PTPRD: variants seen among roughly 807,000 people sequenced by gnomAD.
PTPRD encodes the protein protein tyrosine phosphatase receptor type D.
A neutral mutation model predicts 214.5 loss-of-function variants in PTPRD; 34 were observed. The ratio of observed to expected loss-of-function variants is 0.16; its 90% CI spans 0.12 to 0.21. The LOEUF (loss-of-function observed/expected upper bound fraction) is 0.21. Among genes scored for constraint, PTPRD ranks in the 10% least tolerant of loss-of-function variants. The pLI is 1.00. For synonymous variants in PTPRD, 1,128 were observed against 845.7 expected, an observed-to-expected ratio of 1.33 and a Z score of -5.79; for missense variants, 2,545 against 2,398.7, an observed-to-expected ratio of 1.06 and a Z score of -1.27.
intron 10 of PTPRD, among the ~76,000 whole-genome samples, chr9:9,144,572 T>C (rs958650831): frequency 1.3e-5 from 2 of 151,992 alleles, no homozygotes; most frequent in African/African-American, 4.8e-5. Context: ...GCTAACATGA[T>C]GAAACCCCGT....
chr9:8,524,739 G>A (rs771739516), intron 18 of PTPRD, 186 bp downstream of exon 18: 22 of 735,208 alleles, frequency 3.0e-5, no homozygotes, highest in Non-Finnish European at 5.5e-5. Context: ...ATACTCAAGA[G>A]TTGTCTTTTG....
At chr9:9,246,223 C>G (rs2099973010) in intron 9 of PTPRD, among the ~76,000 whole-genome samples, 1 of 151,988 alleles carries the variant, frequency 6.6e-6, no homozygotes, top group South Asian at 2.1e-4. Context: ...TGGGCTGGAT[C>G]CTGAATGTTT....
chr9:8,445,365 C>A (rs1014291397), intron 34 of PTPRD, among the ~76,000 whole-genome samples: 2 of 152,162 alleles, frequency 1.3e-5, no homozygotes, highest in African/African-American at 4.8e-5. Context: ...AAGACAGACA[C>A]TTACAATCAA....
At chr9:10,167,473 G>T (rs563589031) in intron 3 of PTPRD, among the ~76,000 whole-genome samples, 22 of 152,072 alleles carry the variant, frequency 1.4e-4, no homozygotes, top group Admixed American at 6.6e-5. Flanking sequence ...AAGTACAGGA[G>T]ATCCACAGTC....
intron 12 of PTPRD, among the ~76,000 whole-genome samples, chr9:8,729,288 C>T (rs10977265): frequency 0.07 from 10,633 of 152,164 alleles, 1,132 homozygotes; most frequent in African/African-American, 0.23. Context: ...AGATATGCTT[C>T]ATATTTCCCC....
chr9:10,140,906 C>T (rs1450117896), intron 3 of PTPRD, among the ~76,000 whole-genome samples: 1 of 151,914 alleles, frequency 6.6e-6, no homozygotes, highest in Non-Finnish European at 1.5e-5. Context: ...CCACCATGAT[C>T]AAGTGGGCTT....
At chr9:10,220,233 T>A (rs1389298600) in intron 3 of PTPRD, among the ~76,000 whole-genome samples, 2 of 151,910 alleles carry the variant, frequency 1.3e-5, no homozygotes, top group Non-Finnish European at 2.9e-5. Context: ...AATCTGTTTT[T>A]AAAATGATGA....
At chr9:8,612,261 G>A (rs1323386863) in intron 14 of PTPRD, among the ~76,000 whole-genome samples, 1 of 152,148 alleles carries the variant, frequency 6.6e-6, no homozygotes, top group Non-Finnish European at 1.5e-5. Context: ...GATTCATCCA[G>A]TAAGTATATT....
At chr9:9,839,114 C>G (rs2057635656) in intron 5 of PTPRD, among the ~76,000 whole-genome samples, 1 of 152,068 alleles carries the variant, frequency 6.6e-6, no homozygotes, top group African/African-American at 2.4e-5. Context: ...CTGTGCTGTT[C>G]CATTGATCTA....
intron 9 of PTPRD, among the ~76,000 whole-genome samples, chr9:9,353,616 T>A (rs944189104): frequency 1.3e-5 from 2 of 151,570 alleles, no homozygotes; most frequent in Non-Finnish European, 2.9e-5. Context: ...GGCCTTGTTT[T>A]CATGCCTTTA....
Position 9,939,364 on chromosome 9 carries a change from G to T in PTPRD, c.-471-754C>A, listed in dbSNP as rs149846228. Among the ~76,000 whole-genome samples, 265 of 152,272 alleles carry T rather than the reference G, an allele frequency of 1.7e-3. 2 individuals are homozygous for T. Among genetic ancestry groups the T allele is most frequent in the African/African-American group, 5.0e-3 (206 of 41,570 alleles). On this transcript the variant is annotated intron_variant, in intron 4 of 45. Coordinates refer to ENST00000381196, the MANE Select transcript of PTPRD (RefSeq NM_002839.4). Reference sequence around the variant, plus strand: ...GGTGGTTGTAAGGAACTCTAAAAATGCAAGAGATGCAGCACTGTAGCAGTC... The same window carrying T: ...GGTGGTTGTAAGGAACTCTAAAAATTCAAGAGATGCAGCACTGTAGCAGTC...
chr9:8,452,163 T>C (rs1459647665), intron 33 of PTPRD, among the ~76,000 whole-genome samples: 1 of 152,210 alleles, frequency 6.6e-6, no homozygotes, highest in Non-Finnish European at 1.5e-5. Flanking sequence ...TTTATTCAAA[T>C]GAAATTATTT....
At chr9:8,345,915 A>C (rs139828737) in intron 39 of PTPRD, among the ~76,000 whole-genome samples, 267 of 152,128 alleles carry the variant, frequency 1.8e-3, no homozygotes, top group African/African-American at 6.2e-3. Flanking sequence ...CAGTCCCCAA[A>C]ATGTAGATAA....
intron 4 of PTPRD, among the ~76,000 whole-genome samples, chr9:9,947,544 ATATATATTATATATATATTTT>A (rs2092896727): frequency 2.2e-4 from 8 of 35,958 alleles, no homozygotes; most frequent in African/African-American, 1.4e-3. Context: ...TATATATAAT[ATATATATTATATATATATTTT>A]ATATATATAT....
chr9:9,912,743 T>G (rs1044975978), intron 5 of PTPRD, among the ~76,000 whole-genome samples: 2 of 152,324 alleles, frequency 1.3e-5, no homozygotes, highest in Admixed American at 6.5e-5. Flanking sequence ...ATAACCCAAG[T>G]TGAGAATGAT....
chr9:10,552,581 T>C (rs775622572), intron 2 of PTPRD, among the ~76,000 whole-genome samples: 2 of 152,208 alleles, frequency 1.3e-5, no homozygotes, highest in African/African-American at 4.8e-5. Context: ...ATCACATTTA[T>C]ATCCCTACCA....
intron 2 of PTPRD, among the ~76,000 whole-genome samples, chr9:10,431,116 C>T (rs77453630): frequency 0.03 from 4,499 of 151,982 alleles, 121 homozygotes; most frequent in South Asian, 0.1. Flanking sequence ...TAACATAAGC[C>T]TCTCAAGAGA....
intron 2 of PTPRD, among the ~76,000 whole-genome samples, chr9:10,591,653 G>C (rs1449647187): frequency 6.6e-6 from 1 of 152,160 alleles, no homozygotes; most frequent in East Asian, 1.9e-4. Flanking sequence ...AAAACACTTT[G>C]GTGGGCAGCC....
intron 8 of PTPRD, among the ~76,000 whole-genome samples, chr9:9,555,171 T>A (rs1369032732): frequency 1.3e-5 from 2 of 152,082 alleles, no homozygotes; most frequent in African/African-American, 4.8e-5. Context: ...ATTATGAATA[T>A]GTTCATTTTT....
Sources: allele counts gnomAD v4.1 joint callset (sites outside exome capture counted in the v4.1 genomes callset), GRCh38; gene constraint gnomAD v4.1.1; transcripts MANE v1.5; gene names NCBI Gene and HGNC (gene_info 2026-07-23, HGNC 2026-07-21).